HPSE2: variants seen among roughly 807,000 people sequenced by gnomAD.
The protein encoded by HPSE2 is heparanase 2 (inactive), also known as inactive heparanase-2.
Under a neutral mutation model 60.5 loss-of-function variants are expected in HPSE2, and 38 were observed. That is an observed-to-expected ratio of 0.63 (90% CI 0.48 to 0.82). HPSE2 has a LOEUF of 0.82. Ranked by LOEUF, HPSE2 falls within the 40% of genes least tolerant of loss-of-function variation. The probability of loss-of-function intolerance (pLI) is 0.00; values close to 1 mark genes in which losing one functional copy is unlikely to be tolerated. For missense variants in HPSE2, 713 were observed against 740.4 expected (o/e 0.96, Z 0.43); for synonymous variants, 295 against 293.2 (o/e 1.01, Z -0.06).
At chr10:98,601,950 T>G (rs868556464) in intron 9 of HPSE2, among the ~76,000 whole-genome samples, 22 of 152,290 alleles carry the variant, frequency 1.4e-4, no homozygotes, top group African/African-American at 5.3e-4. Context: ...TCTCAGGCCC[T>G]TCACAGTTCT....
intron 3 of HPSE2, among the ~76,000 whole-genome samples, chr10:98,937,266 G>A (rs1037106259): frequency 6.9e-6 from 1 of 144,368 alleles, no homozygotes; most frequent in Admixed American, 6.9e-5. Flanking sequence ...CCGTGCGCAA[G>A]CTGAAGCAGG....
At chr10:99,037,962 G>A (rs1957648371) in intron 3 of HPSE2, among the ~76,000 whole-genome samples, 1 of 152,082 alleles carries the variant, frequency 6.6e-6, no homozygotes, top group Non-Finnish European at 1.5e-5. Flanking sequence ...CTAGCCATTA[G>A]GGAAATGCAA....
the HPSE2 span, among the ~76,000 whole-genome samples, chr10:99,273,953 T>C: frequency 6.6e-6 from 1 of 152,176 alleles, no homozygotes; most frequent in Admixed American, 6.5e-5. Flanking sequence ...GAAACAAGCC[T>C]TTACAGAAGA....
At chr10:98,507,917 G>A (rs10736131) in intron 9 of HPSE2, among the ~76,000 whole-genome samples, 139,538 of 152,220 alleles carry the variant, frequency 0.92, 65,082 homozygotes, top group East Asian at 1. Flanking sequence ...AGTTATCTTT[G>A]TGCAGAGGAT....
At chr10:99,185,966 A>G (rs1313935989) in intron 2 of HPSE2, among the ~76,000 whole-genome samples, 2 of 152,118 alleles carry the variant, frequency 1.3e-5, no homozygotes, top group African/African-American at 4.8e-5. Flanking sequence ...TGGTATATGC[A>G]TAATTGGAAT....
At chr10:99,271,116 A>G in the HPSE2 span, among the ~76,000 whole-genome samples, 133,301 of 152,148 alleles carry the variant, frequency 0.88, 58,603 homozygotes, top group African/African-American at 0.94. Context: ...ATTCAACATA[A>G]TACTGGAAGC....
rs866629436 is a variant in HPSE2 at position 98,936,462 on chromosome 10, C to T, written c.611-192406G>A. ...AGGGAATCTCCTAATCCCCAGATAG[C>T]AAAAATCTTTGGGAAAAGCATAGTA... is the stretch of plus-strand genomic sequence containing the variant. On this transcript the variant is annotated intron_variant, in intron 3 of 11. Coordinates refer to ENST00000370552, the MANE Select transcript of HPSE2 (RefSeq NM_021828.5). 1.3e-4 allele frequency among the ~76,000 whole-genome samples: 18 copies of T among 143,322 alleles called. 5 individuals carry two copies. Among genetic ancestry groups the T allele is most frequent in the African/African-American group, 5.1e-4 (18 of 35,124 alleles). The allele number at this position is 143,322 out of a possible 152,430, so 94.0% of individuals were successfully genotyped here. A position where few individuals can be genotyped will look rare whatever the true frequency, so the allele number is the denominator to read the frequency against.
chr10:98,652,484 C>G (rs1174537432), intron 6 of HPSE2, among the ~76,000 whole-genome samples: 1 of 152,220 alleles, frequency 6.6e-6, no homozygotes, highest in Non-Finnish European at 1.5e-5. Context: ...TAGCTTTATA[C>G]CACCACTTGT....
Position 98,641,247 on chromosome 10 carries a change from G to C in HPSE2, c.1098+600C>G, listed in dbSNP as rs562872921. ...TCAAGTAAATCTATTCTTCCCTTATGAAACTCACAAGAAGCAAACTATAAA... is the reference window on the plus strand; with the variant it reads ...TCAAGTAAATCTATTCTTCCCTTATCAAACTCACAAGAAGCAAACTATAAA... On this transcript the variant is annotated intron_variant, in intron 7 of 11. Transcript: ENST00000370552. 2.6e-5 allele frequency among the ~76,000 whole-genome samples: 4 copies of C among 152,212 alleles called. No individual in the cohort carries two copies. In the East Asian group the frequency reaches 7.7e-4, roughly 29 times the overall value.
At chr10:98,895,268 A>T (rs1953453519) in intron 3 of HPSE2, among the ~76,000 whole-genome samples, 1 of 152,194 alleles carries the variant, frequency 6.6e-6, no homozygotes. Context: ...CATATAGAAA[A>T]TACAGAGAGT....
intron 3 of HPSE2, among the ~76,000 whole-genome samples, chr10:98,915,306 C>A (rs2135038056): frequency 6.6e-6 from 1 of 151,920 alleles, no homozygotes; most frequent in African/African-American, 2.4e-5. Context: ...CACCACCATG[C>A]CCGGCTAATT....
chr10:98,643,850 G>A (rs1161678036), intron 6 of HPSE2, among the ~76,000 whole-genome samples: 1 of 152,160 alleles, frequency 6.6e-6, no homozygotes, highest in Non-Finnish European at 1.5e-5. Flanking sequence ...ATTATATGGT[G>A]ACCAGGAATT....
At chr10:98,676,824 G>A (rs774515359) in intron 6 of HPSE2, among the ~76,000 whole-genome samples, 22 of 152,102 alleles carry the variant, frequency 1.4e-4, no homozygotes, top group East Asian at 7.7e-4. Flanking sequence ...TTTATTGTGC[G>A]TGCATAGTAT....
intron 3 of HPSE2, among the ~76,000 whole-genome samples, chr10:98,788,996 C>CT (rs1362258615): frequency 6.6e-6 from 1 of 151,852 alleles, no homozygotes; most frequent in Non-Finnish European, 1.5e-5. Context: ...ATCCTTCTCA[C>CT]TTTTTTTTTC....
At chr10:98,532,226 T>C (rs972261548) in intron 9 of HPSE2, among the ~76,000 whole-genome samples, 2 of 152,182 alleles carry the variant, frequency 1.3e-5, no homozygotes, top group Admixed American at 1.3e-4. Context: ...TCTCTAGTAT[T>C]TCTTCAACAC....
intron 7 of HPSE2, among the ~76,000 whole-genome samples, chr10:98,636,052 G>C (rs1946490950): frequency 6.6e-6 from 1 of 152,070 alleles, no homozygotes; most frequent in South Asian, 2.1e-4. Context: ...AGATAGAAGA[G>C]GCTGGTGAAC....
intron 9 of HPSE2, among the ~76,000 whole-genome samples, chr10:98,573,558 G>A (rs1944560727): frequency 1.3e-5 from 2 of 152,186 alleles, no homozygotes; most frequent in South Asian, 4.1e-4. Context: ...GTGAAATGGG[G>A]TGAGAGCGTT....
At chr10:98,594,306 T>A (rs1486245452) in intron 9 of HPSE2, among the ~76,000 whole-genome samples, 1 of 151,954 alleles carries the variant, frequency 6.6e-6, no homozygotes, top group Non-Finnish European at 1.5e-5. Context: ...CGCCTCCCCT[T>A]CCCCACCACA....
intron 3 of HPSE2, among the ~76,000 whole-genome samples, chr10:99,118,518 T>A (rs1428418000): frequency 5.6e-5 from 6 of 107,414 alleles, no homozygotes; most frequent in Non-Finnish European, 1.1e-4. Context: ...GCAAGACTCC[T>A]TCTCCAAAAA....
Sources: gnomAD v4.1 joint callset for allele counts (sites outside exome capture counted in the v4.1 genomes callset) on GRCh38, gnomAD v4.1.1 for gene constraint, MANE v1.5 for transcripts, NCBI Gene and HGNC (gene_info 2026-07-23, HGNC 2026-07-21) for gene names.